PLEKHA5: variants seen among roughly 807,000 people sequenced by gnomAD.
PLEKHA5 encodes the protein pleckstrin homology domain-containing family A member 5.
PLEKHA5 carries 55 observed loss-of-function variants against 181.9 expected under a neutral mutation model. The observed-to-expected ratio is 0.30, with a 90% CI of 0.24 to 0.38. The LOEUF is 0.38. PLEKHA5 is among the 10% of genes least tolerant of loss of function. The pLI is 1.00. For missense variants in PLEKHA5, 1,432 were observed against 1,549.5 expected, an observed-to-expected ratio of 0.92 and a Z score of 1.27; for synonymous variants, 535 against 529.4, an observed-to-expected ratio of 1.01 and a Z score of -0.15.
intron 25 of PLEKHA5, among the ~76,000 whole-genome samples, chr12:19,352,823 C>T (rs2094679715): frequency 6.6e-6 from 1 of 151,888 alleles, no homozygotes; most frequent in African/African-American, 2.4e-5. Context: ...CAAGTTCTTA[C>T]TTGCTCTGTT....
intron 3 of PLEKHA5, among the ~76,000 whole-genome samples, chr12:19,191,125 C>T (rs1051647288): frequency 6.6e-6 from 1 of 152,054 alleles, no homozygotes; most frequent in African/African-American, 2.4e-5. Context: ...TACTTTCTTC[C>T]CTTTACCACC....
chr12:19,200,807 A>G (rs1357213326), intron 3 of PLEKHA5: 21 of 446,706 alleles, frequency 4.7e-5, no homozygotes, highest in Non-Finnish European at 5.9e-5. Flanking sequence ...AGCTATATGT[A>G]AGCATAAAAA....
intron 8 of PLEKHA5, 135 bp from the exon 9 acceptor site, chr12:19,269,635 C>A (rs1226584407): frequency 5.9e-6 from 3 of 505,184 alleles, no homozygotes; most frequent in Non-Finnish European, 7.1e-6. Flanking sequence ...ATTTCCATAT[C>A]TCAGGTAAAA....
chr12:19,260,154 G>C (rs10732527), intron 6 of PLEKHA5, among the ~76,000 whole-genome samples: 1 of 151,980 alleles, frequency 6.6e-6, no homozygotes, highest in African/African-American at 2.4e-5. Flanking sequence ...CAAACTATAG[G>C]TGTAAGAAAA....
intron 25 of PLEKHA5, among the ~76,000 whole-genome samples, chr12:19,349,786 G>A (rs2094505692): frequency 6.6e-6 from 1 of 150,804 alleles, no homozygotes; most frequent in South Asian, 2.1e-4. Context: ...CTACCAGCCT[G>A]GCCAATATGG....
chr12:19,157,093 T>TATATAC (rs1555227623), intron 3 of PLEKHA5, among the ~76,000 whole-genome samples: 9 of 19,564 alleles, frequency 4.6e-4, no homozygotes, highest in African/African-American at 1.2e-3. Flanking sequence ...TATCTATATG[T>TATATAC]ACATACACAC....
chr12:19,283,612 C>T lies in PLEKHA5; in HGVS notation c.1646C>T (p.Thr549Ile). The T allele has an allele frequency of 1.2e-6, 2 of 1,614,086 alleles. No individual in the cohort carries two copies. Among genetic ancestry groups the T allele is most frequent in the South Asian group, 1.1e-5 (1 of 91,088 alleles). ...ISDQTMHSIP[T>I]SPSHGSIAAY... ...GACCAGACAATGCACTCTATTCCCA[C>T]ATCACCTTCCCACGGGTCAATAGCT... Residue 549 changes from threonine to isoleucine, a missense_variant, in exon 12 of 32, where the codon ACA becomes ATA. By Grantham distance (89) the Thr-to-Ile change is moderately conservative (BLOSUM62 -1). This residue lies in a region of PLEKHA5 where 1,143 missense variants were observed against 1,168.4 expected (regional missense o/e 0.98). Coordinates refer to ENST00000429027, the MANE Select transcript of PLEKHA5 (RefSeq NM_001256470.2).
intron 18 of PLEKHA5, 192 bp downstream of exon 18, chr12:19,320,816 A>C (rs747284150): frequency 4.8e-5 from 17 of 356,546 alleles, no homozygotes; most frequent in Non-Finnish European, 7.7e-5. Flanking sequence ...TATTGTTAGC[A>C]GTCCAACGTT....
chr12:19,196,494 CAAG>C (rs2152019064), intron 3 of PLEKHA5, among the ~76,000 whole-genome samples: 1 of 152,190 alleles, frequency 6.6e-6, no homozygotes, highest in East Asian at 1.9e-4. Context: ...TCTTACAAAG[CAAG>C]AAGAAAACCT....
intron 3 of PLEKHA5, among the ~76,000 whole-genome samples, chr12:19,196,801 C>A (rs930882204): frequency 9.2e-6 from 1 of 109,118 alleles, no homozygotes; most frequent in Non-Finnish European, 1.9e-5. Flanking sequence ...CTTGTTTTTT[C>A]TTTTTTTTTT....
At chr12:19,245,777 G>A (rs1201774215) in intron 3 of PLEKHA5, among the ~76,000 whole-genome samples, 3 of 147,852 alleles carry the variant, frequency 2.0e-5, no homozygotes, top group African/African-American at 5.0e-5. Context: ...AGACTTCGTG[G>A]TTCAGAGTAT....
At chr12:19,291,560 T>C in intron 14 of PLEKHA5, 84 bp from the exon 15 acceptor site, 1 of 763,086 alleles carries the variant, frequency 1.3e-6, no homozygotes, top group Non-Finnish European at 2.2e-6. Context: ...GTAAATTACC[T>C]GTTTTTCTTA....
At chr12:19,262,401 T>C (rs868418220) in intron 7 of PLEKHA5, among the ~76,000 whole-genome samples, 1 of 152,126 alleles carries the variant, frequency 6.6e-6, no homozygotes. Flanking sequence ...ACTTGGCTAA[T>C]TTTTTGTGTG....
intron 30 of PLEKHA5, among the ~76,000 whole-genome samples, chr12:19,366,367 A>C (rs1349597416): frequency 6.6e-6 from 1 of 152,024 alleles, no homozygotes; most frequent in Non-Finnish European, 1.5e-5. Flanking sequence ...TTCTAATAAA[A>C]TCTTTTGGCC....
intron 3 of PLEKHA5, among the ~76,000 whole-genome samples, chr12:19,182,582 C>G (rs530465739): frequency 6.6e-6 from 1 of 152,280 alleles, no homozygotes; most frequent in East Asian, 1.9e-4. Flanking sequence ...GTAGCATTGA[C>G]TAGACCCTCC....
chr12:19,170,279 T>TA lies in PLEKHA5; in HGVS notation c.227+37835dup, dbSNP rs548695552. 4.6e-3 allele frequency among the ~76,000 whole-genome samples: 705 copies of TA among 152,314 alleles called. 4 individuals are homozygous for TA. The highest frequency in any genetic ancestry group is 0.034 in the Middle Eastern group (10 of 294). On this transcript the variant is annotated intron_variant, in intron 3 of 31. Transcript: ENST00000429027. ...TATGGAATGTTTTTTTTCTTTGAGT[T>TA]AAAAAACCTTGTACAATAACTATAC...
rs150919522 is a variant in PLEKHA5 at position 19,253,629 on chromosome 12, C to T, written c.228-311C>T. On this transcript the variant is annotated intron_variant, in intron 3 of 31. Transcript: ENST00000429027. ...GTCAGGAGTTCAAGACCAACCTGAC[C>T]AACATGGTGAAATCCTGTCTCTACT... is the stretch of plus-strand genomic sequence containing the variant. Among the ~76,000 whole-genome samples, 590 of 151,646 alleles carry T rather than the reference C, an allele frequency of 3.9e-3. 2 individuals are homozygous for T. The highest frequency in any genetic ancestry group is 0.014 in the African/African-American group (566 of 41,410).
In PLEKHA5 at chr12:19,257,476, C is replaced by T. The variant is rs1200916167; in HGVS notation, c.476C>T (p.Ser159Leu). The T allele has an allele frequency of 1.9e-6, 3 of 1,608,234 alleles. No individual in the cohort carries two copies. Among genetic ancestry groups the T allele is most frequent in the Non-Finnish European group, 2.5e-6 (3 of 1,176,596 alleles). Residue 159 changes from serine to leucine, a missense_variant, in exon 6 of 32, where the codon TCA (serine) becomes TTA (leucine). Physicochemically the swap from Ser to Leu is moderately radical, Grantham distance 145 (BLOSUM62 -2). Around this residue, in one of 2 missense-constraint regions of PLEKHA5, gnomAD observed 289 missense variants for 381.1 expected, o/e 0.76. Transcript: ENST00000429027. ...AAAGTTCATAATTTTGGAAAGAGGT[C>T]AAATTCAATTAAAAGGAATCCTAAT... ...SKKVHNFGKRSNSIKRNPNAP... is the reference protein window; with the variant it reads ...SKKVHNFGKRLNSIKRNPNAP...
chr12:19,206,429 C>G (rs1487138742), intron 3 of PLEKHA5, among the ~76,000 whole-genome samples: 2 of 152,024 alleles, frequency 1.3e-5, no homozygotes, highest in East Asian at 3.8e-4. Flanking sequence ...TAGAGATAAA[C>G]CATTATATGT....
Sources: allele counts gnomAD v4.1 joint callset (sites outside exome capture counted in the v4.1 genomes callset), GRCh38; gene constraint gnomAD v4.1.1; regional missense constraint gnomAD v4.1.1; transcripts MANE v1.5; gene names NCBI Gene and HGNC (gene_info 2026-07-23, HGNC 2026-07-21).